Variants in TMEM39A observed in about 807,000 individuals in gnomAD.
TMEM39A encodes the protein suppressor of SQST-1 aggregates in rpl-43 mutants.
Under a neutral mutation model 51.9 loss-of-function variants are expected in TMEM39A, and 19 were observed. That is an observed-to-expected ratio of 0.37 (90% CI 0.26 to 0.54). The LOEUF (loss-of-function observed/expected upper bound fraction) is 0.54, where lower values mean the gene tolerates loss of function less well. Among genes scored for constraint, TMEM39A ranks in the 20% least tolerant of loss-of-function variants. The pLI is 0.88. For missense variants in TMEM39A, 433 were observed against 590.5 expected (o/e 0.73, Z 2.76); for synonymous variants, 197 against 220.2 (o/e 0.89, Z 0.93).
At chr3:119,448,125 CT>C (rs1560016041) in intron 4 of TMEM39A, among the ~76,000 whole-genome samples, 1 of 152,122 alleles carries the variant, frequency 6.6e-6, no homozygotes, top group Non-Finnish European at 1.5e-5. Flanking sequence ...AAATAAGTTT[CT>C]TTTTTAACTT....
At chr3:119,436,695 G>A (rs2080972444) in intron 7 of TMEM39A, 96 bp downstream of exon 7, 2 of 1,343,684 alleles carry the variant, frequency 1.5e-6, no homozygotes, top group East Asian at 2.3e-5. Flanking sequence ...AAAATTAAAT[G>A]TTCAAAGCCA....
At chr3:119,434,926 G>C in intron 7 of TMEM39A, 44 bp from the exon 8 acceptor site, 1 of 1,596,748 alleles carries the variant, frequency 6.3e-7, no homozygotes, top group Non-Finnish European at 8.6e-7. Flanking sequence ...GGCAATTACA[G>C]ATAAGATAGC....
intron 7 of TMEM39A, 51 bp downstream of exon 7, chr3:119,436,740 A>G: frequency 6.6e-7 from 1 of 1,523,108 alleles, no homozygotes; most frequent in Non-Finnish European, 9.0e-7. Flanking sequence ...AATAAACATG[A>G]TCAGCAGCAT....
chr3:119,437,732 A>C (rs1189136477), intron 6 of TMEM39A, 23 bp downstream of exon 6: 1 of 1,492,586 alleles, frequency 6.7e-7, no homozygotes, highest in Admixed American at 2.2e-5. Context: ...CAGGAAGCAC[A>C]TAAAAGTAAG....
intron 5 of TMEM39A, among the ~76,000 whole-genome samples, chr3:119,440,988 G>C (rs1428665645): frequency 6.6e-6 from 1 of 152,058 alleles, no homozygotes; most frequent in African/African-American, 2.4e-5. Flanking sequence ...TGCGAAATGT[G>C]ATCTTTGATA....
intron 5 of TMEM39A, among the ~76,000 whole-genome samples, chr3:119,439,488 G>A (rs1374550018): frequency 1.3e-5 from 2 of 148,490 alleles, no homozygotes; most frequent in Non-Finnish European, 3.0e-5. Flanking sequence ...GCTGAGGCAG[G>A]AGAATCACTT....
At chr3:119,461,141 A>G (rs140655848) in intron 2 of TMEM39A, among the ~76,000 whole-genome samples, 30 of 152,332 alleles carry the variant, frequency 2.0e-4, no homozygotes, top group Non-Finnish European at 2.8e-4. Flanking sequence ...GTTACTCTGT[A>G]TACATACATA....
At chr3:119,447,903 C>G (rs1268082448) in intron 4 of TMEM39A, among the ~76,000 whole-genome samples, 1 of 152,174 alleles carries the variant, frequency 6.6e-6, no homozygotes, top group Non-Finnish European at 1.5e-5. Context: ...GCATGAGCCA[C>G]TGTGCCCGGC....
At position 119,456,181 on chromosome 3, in the gene TMEM39A, A is replaced by C. The variant is rs772740011; in HGVS notation, c.336+1837T>G. Among the ~76,000 whole-genome samples the C allele has an allele frequency of 2.0e-4, 31 of 152,346 alleles. No individual in the cohort carries two copies. In the South Asian group the frequency reaches 2.7e-3, roughly 13 times the overall value. On this transcript the variant is annotated intron_variant, in intron 3 of 8. Coordinates refer to ENST00000319172, the MANE Select transcript of TMEM39A (RefSeq NM_018266.3). ...TTTATTTATAGAACTATATAGCTGT[A>C]AAAGGCCTTAAAGAACATCCAATCC... is the stretch of plus-strand genomic sequence containing the variant.
At chr3:119,447,262 G>A (rs938085835) in intron 4 of TMEM39A, 90 bp from the exon 5 acceptor site, 8 of 1,321,734 alleles carry the variant, frequency 6.1e-6, no homozygotes, top group Non-Finnish European at 8.3e-6. Flanking sequence ...TAGGTTTAGT[G>A]GAAGCTAAAA....
chr3:119,455,065 T>C (rs1038278713), intron 3 of TMEM39A, among the ~76,000 whole-genome samples: 9 of 152,336 alleles, frequency 5.9e-5, no homozygotes, highest in African/African-American at 2.2e-4. Context: ...TATTAAGGTC[T>C]TGAAATGGAA....
rs992148436 is a variant in TMEM39A, at chr3:119,463,551, G to A, written c.-290C>T. On this transcript the variant is annotated 5_prime_UTR_variant, in exon 1 of 9. Coordinates refer to ENST00000319172, the MANE Select transcript of TMEM39A (RefSeq NM_018266.3). ...ACTCCGACGCAGTTCCAGTGCCAGA[G>A]CTAAAGCTAGAGCCAGAGCCTGATA... 1 of 398,868 alleles carries A rather than the reference G, an allele frequency of 2.5e-6. No individual in the cohort carries two copies. The highest frequency in any genetic ancestry group is 4.4e-6 in the Non-Finnish European group (1 of 226,266). 24.7% of individuals were successfully genotyped at this position (398,868 alleles called of 1,614,324 possible).
intron 5 of TMEM39A, among the ~76,000 whole-genome samples, chr3:119,439,438 G>A (rs2081019488): frequency 6.6e-6 from 1 of 151,948 alleles, no homozygotes; most frequent in Non-Finnish European, 1.5e-5. Context: ...AAAATTAGCT[G>A]GGTGTGGTGG....
At chr3:119,445,563 C>T (rs559054885) in intron 5 of TMEM39A, among the ~76,000 whole-genome samples, 4 of 152,258 alleles carry the variant, frequency 2.6e-5, no homozygotes, top group Middle Eastern at 3.4e-3. Context: ...CCGCGCCCGG[C>T]GGGAATTTTA....
rs1216952589 is a variant in TMEM39A at position 119,430,150 on chromosome 3, C to G, written c.*1831G>C. The stretch of plus-strand genomic sequence containing the variant: ...CAAGAACCACTATATTTAGGCTGAA[C>G]TACTTTAAAAAGCAACTAACCTAAT... On this transcript the variant is annotated 3_prime_UTR_variant, in exon 9 of 9. Transcript: ENST00000319172. 6.6e-6 allele frequency: 1 copy of G among 152,092 alleles called. No homozygotes were observed. Among genetic ancestry groups the G allele is most frequent in the Non-Finnish European group, 1.5e-5 (1 of 67,988 alleles). 9.4% of individuals were successfully genotyped at this position (152,092 alleles called of 1,614,324 possible).
chr3:119,462,778 T>C (rs1051816225), intron 1 of TMEM39A, among the ~76,000 whole-genome samples: 3 of 151,130 alleles, frequency 2.0e-5, no homozygotes, highest in African/African-American at 7.3e-5. Context: ...AGGGTTAAAA[T>C]ATTGAAAGAA....
chr3:119,451,643 C>T (rs186579650), intron 4 of TMEM39A, among the ~76,000 whole-genome samples: 5 of 151,912 alleles, frequency 3.3e-5, no homozygotes, highest in African/African-American at 1.2e-4. Context: ...CCAGCCTGAC[C>T]GACATGGAGA....
At chr3:119,458,492 T>A (rs1282574615) in intron 2 of TMEM39A, among the ~76,000 whole-genome samples, 1 of 152,212 alleles carries the variant, frequency 6.6e-6, no homozygotes, top group Non-Finnish European at 1.5e-5. Flanking sequence ...TATAGACACA[T>A]TATTCAACTC....
chr3:119,455,027 T>C (rs757035157), intron 3 of TMEM39A, among the ~76,000 whole-genome samples: 4 of 152,256 alleles, frequency 2.6e-5, no homozygotes, highest in Non-Finnish European at 4.4e-5. Flanking sequence ...ATACTTCACA[T>C]ATTCAGGTGT....
Sources: allele counts gnomAD v4.1 joint callset (sites outside exome capture counted in the v4.1 genomes callset), GRCh38; gene constraint gnomAD v4.1.1; transcripts MANE v1.5; gene names NCBI Gene and HGNC (gene_info 2026-07-23, HGNC 2026-07-21).